Variants in TMEM117 observed in about 807,000 individuals in gnomAD.
TMEM117 encodes transmembrane protein 117.
Under a neutral mutation model 52.4 loss-of-function variants are expected in TMEM117, and 27 were observed. That is an observed-to-expected ratio of 0.51 (90% CI 0.38 to 0.71). TMEM117 has a LOEUF of 0.71. Among genes scored for constraint, TMEM117 ranks in the 30% least tolerant of loss-of-function variants. The pLI is 0.00. For missense variants in TMEM117, 556 were observed against 630.5 expected (o/e 0.88, Z 1.26); for synonymous variants, 215 against 206.3 (o/e 1.04, Z -0.36).
In TMEM117 at chr12:44,114,046, A is replaced by T; in HGVS notation, c.411-29479A>T. On this transcript the variant is annotated intron_variant, in intron 3 of 7. Coordinates refer to ENST00000266534, the MANE Select transcript of TMEM117 (RefSeq NM_032256.3). The stretch of plus-strand genomic sequence containing the variant: ...CCCCTTGCGCTTCCCAGGTGAGGCA[A>T]TGCCTCGCCCTGCTTCGGCTCGCGC... 5.4e-5 allele frequency among the ~76,000 whole-genome samples: 8 copies of T among 147,582 alleles called. No individual in the cohort carries two copies. The South Asian group carries it at 6.6e-4, about 12-fold the overall frequency.
intron 3 of TMEM117, chr12:44,009,739 C>T (rs1946259219): frequency 7.7e-6 from 2 of 259,186 alleles, no homozygotes. Context: ...TGACCTTATT[C>T]TTTGTTTGAC....
intron 6 of TMEM117, among the ~76,000 whole-genome samples, chr12:44,323,873 A>G (rs1233381257): frequency 6.6e-6 from 1 of 151,920 alleles, no homozygotes; most frequent in Non-Finnish European, 1.5e-5. Context: ...TTTTTCCTGC[A>G]ATTTTTAAAA....
intron 5 of TMEM117, among the ~76,000 whole-genome samples, chr12:44,236,183 T>TAGAGAGAG (rs1463206260): frequency 1.3e-5 from 2 of 148,986 alleles, no homozygotes; most frequent in Non-Finnish European, 3.0e-5. Flanking sequence ...TATATATATA[T>TAGAGAGAG]ATATAGAGAG....
At chr12:44,268,637 A>G (rs1169762191) in intron 5 of TMEM117, among the ~76,000 whole-genome samples, 1 of 152,120 alleles carries the variant, frequency 6.6e-6, no homozygotes, top group Non-Finnish European at 1.5e-5. Flanking sequence ...ACTATACAGT[A>G]TATGTTTCTA....
chr12:43,808,952 T>A, the TMEM117 span, among the ~76,000 whole-genome samples: 1 of 151,624 alleles, frequency 6.6e-6, no homozygotes, highest in Non-Finnish European at 1.5e-5. Context: ...TTATGTAAAA[T>A]CTCTATTTCA....
chr12:44,046,319 A>G (rs554488827), intron 3 of TMEM117, among the ~76,000 whole-genome samples: 23 of 152,314 alleles, frequency 1.5e-4, no homozygotes, highest in African/African-American at 5.5e-4. Context: ...CCTTTAAGTC[A>G]ACAGACTAAC....
intron 3 of TMEM117, among the ~76,000 whole-genome samples, chr12:43,995,265 A>C (rs1006395911): frequency 6.6e-6 from 1 of 152,050 alleles, no homozygotes. Flanking sequence ...TTAAAAAAAA[A>C]AAAAAAGGAA....
intron 4 of TMEM117, among the ~76,000 whole-genome samples, chr12:44,169,499 G>A (rs963463541): frequency 6.6e-6 from 1 of 152,040 alleles, no homozygotes; most frequent in African/African-American, 2.4e-5. Flanking sequence ...TATCTTTTGG[G>A]TATATTCTTT....
At chr12:44,133,964 A>G (rs1232439974) in intron 3 of TMEM117, among the ~76,000 whole-genome samples, 1 of 152,188 alleles carries the variant, frequency 6.6e-6, no homozygotes, top group Non-Finnish European at 1.5e-5. Flanking sequence ...AGAGACCTAT[A>G]AAATACCTTT....
intron 3 of TMEM117, among the ~76,000 whole-genome samples, chr12:44,135,763 A>C (rs188571152): frequency 6.6e-6 from 1 of 152,350 alleles, no homozygotes; most frequent in Admixed American, 6.5e-5. Context: ...TCATTTTATT[A>C]TATACAGTGG....
chr12:44,397,713 A>G, the TMEM117 span, among the ~76,000 whole-genome samples: 1 of 152,250 alleles, frequency 6.6e-6, no homozygotes, highest in South Asian at 2.1e-4. Context: ...TGAAAGAGTT[A>G]TATTTTAATG....
intron 4 of TMEM117, among the ~76,000 whole-genome samples, chr12:44,179,149 C>T (rs182878231): frequency 2.0e-5 from 3 of 152,138 alleles, no homozygotes; most frequent in Non-Finnish European, 2.9e-5. Flanking sequence ...GCCGAGATCA[C>T]GCCACTGTCC....
Position 44,258,759 on chromosome 12 carries a change from A to T in TMEM117, c.609-40821A>T, listed in dbSNP as rs562474693. On this transcript the variant is annotated intron_variant, in intron 5 of 7. Coordinates refer to ENST00000266534, the MANE Select transcript of TMEM117 (RefSeq NM_032256.3). ...CACATATAAACTTTACAGAATTAGC[A>T]AATGTGTAGTTGTGGCTGTGTCCAG... 1.4e-4 allele frequency among the ~76,000 whole-genome samples: 21 copies of T among 152,268 alleles called. No individual in the cohort carries two copies. The East Asian group carries it at 3.9e-3, about 28-fold the overall frequency.
Position 44,236,868 on chromosome 12 carries a change from C to T in TMEM117, c.608+25481C>T, listed in dbSNP as rs145990803. 5.5e-4 allele frequency among the ~76,000 whole-genome samples: 84 copies of T among 152,134 alleles called. No homozygotes were observed. The East Asian group carries it at 0.014, about 25-fold the overall frequency. On this transcript the variant is annotated intron_variant, in intron 5 of 7. Transcript: ENST00000266534. Reference sequence around the variant, plus strand: ...GCTGGGATGGGAGTTCACGCAAGGGCCACTTTATTCAAAGTTCACCTGTCA... The same window carrying T: ...GCTGGGATGGGAGTTCACGCAAGGGTCACTTTATTCAAAGTTCACCTGTCA...
At chr12:43,801,456 T>C in the TMEM117 span, among the ~76,000 whole-genome samples, 1 of 152,168 alleles carries the variant, frequency 6.6e-6, no homozygotes, top group Non-Finnish European at 1.5e-5. Context: ...AAAATAATTA[T>C]TTTTTAATAA....
intron 6 of TMEM117, among the ~76,000 whole-genome samples, chr12:44,316,369 G>A (rs1951054697): frequency 6.6e-6 from 1 of 152,056 alleles, no homozygotes; most frequent in Admixed American, 6.5e-5. Flanking sequence ...GGAATTCTTG[G>A]TTGAAATTTC....
At chr12:43,942,378 T>C (rs76301359) in intron 2 of TMEM117, among the ~76,000 whole-genome samples, 249 of 152,358 alleles carry the variant, frequency 1.6e-3, no homozygotes, top group African/African-American at 5.7e-3. Context: ...TTAATATTCT[T>C]GTCAGTATGT....
At chr12:43,865,603 A>T (rs144950214) in intron 2 of TMEM117, among the ~76,000 whole-genome samples, 539 of 152,042 alleles carry the variant, frequency 3.5e-3, no homozygotes, top group Middle Eastern at 6.8e-3. Context: ...GGGCTGAGGC[A>T]GGAGAGATGC....
the TMEM117 span, among the ~76,000 whole-genome samples, chr12:44,398,933 C>A: frequency 6.6e-6 from 1 of 152,084 alleles, no homozygotes; most frequent in South Asian, 2.1e-4. Context: ...TGGCTCAATC[C>A]TGTATATCTA....
Sources: gnomAD v4.1 joint callset for allele counts (sites outside exome capture counted in the v4.1 genomes callset) on GRCh38, gnomAD v4.1.1 for gene constraint, MANE v1.5 for transcripts, NCBI Gene and HGNC (gene_info 2026-07-23, HGNC 2026-07-21) for gene names.